The following SAFB2 variants were observed in gnomAD, a reference collection of about 807,000 sequenced individuals.
SAFB2 encodes the protein scaffold attachment factor B2.
In SAFB2, 32 loss-of-function variants were observed where a neutral mutation model predicts 100.6. The ratio of observed to expected loss-of-function variants is 0.32; its 90% confidence interval spans 0.24 to 0.43. The LOEUF (loss-of-function observed/expected upper bound fraction) is 0.43, where lower values mean the gene tolerates loss of function less well. Ranked by LOEUF, SAFB2 falls within the 20% of genes least tolerant of loss-of-function variation. The probability of loss-of-function intolerance (pLI) is 1.00; values close to 1 mark genes in which losing one functional copy is unlikely to be tolerated. For missense variants in SAFB2, 1,185 were observed against 1,163.4 expected, an observed-to-expected ratio of 1.02 and a Z score of -0.27; for synonymous variants, 500 against 439.4, an observed-to-expected ratio of 1.14 and a Z score of -1.72.
At chr19:5,621,629 T>C (rs1435563874) in intron 1 of SAFB2, among the ~76,000 whole-genome samples, 4 of 152,316 alleles carry the variant, frequency 2.6e-5, no homozygotes, top group East Asian at 1.9e-4. Context: ...AGCTCCAGAA[T>C]TGGGGTCAAG....
At chr19:5,609,508 T>G (rs959177246) in intron 9 of SAFB2, among the ~76,000 whole-genome samples, 6 of 152,162 alleles carry the variant, frequency 3.9e-5, no homozygotes, top group Admixed American at 6.5e-5. Flanking sequence ...TTCGCCATGT[T>G]GGCCAGGCTG....
In SAFB2 at chr19:5,622,716, C is replaced by CG. The variant is rs781269947; in HGVS notation, c.-2dup. On this transcript the variant is annotated 5_prime_UTR_variant, in exon 1 of 21. Transcript: ENST00000252542. ...CCGACCCGGGCAGAGTCTCCGCCAT[C>CG]GTCGCGTTCCCGTCTTCGCCACCGA... 54 of 1,598,566 alleles carry CG rather than the reference C, an allele frequency of 3.4e-5. No individual in the cohort carries two copies. The East Asian group carries it at 1.2e-3, about 35-fold the overall frequency.
intron 2 of SAFB2, 89 bp downstream of exon 2, chr19:5,621,220 T>C: frequency 1.2e-6 from 1 of 864,898 alleles, no homozygotes; most frequent in Non-Finnish European, 2.0e-6. Context: ...AGAGAAATTC[T>C]CCCAGCCTAG....
chr19:5,598,452 C>A, intron 13 of SAFB2: 1 of 302,642 alleles, frequency 3.3e-6, no homozygotes, highest in Non-Finnish European at 6.4e-6. Flanking sequence ...AAGTAGCCTG[C>A]TATTAAGTCA....
In SAFB2 at chr19:5,606,693, C is replaced by T. The variant is rs796869828; in HGVS notation, c.1297-1757G>A. Among the ~76,000 whole-genome samples, 6 of 152,254 alleles carry T rather than the reference C, an allele frequency of 3.9e-5. 1 individual carries two copies. The highest frequency in any genetic ancestry group is 1.4e-4 in the African/African-American group (6 of 41,556). On this transcript the variant is annotated intron_variant, in intron 9 of 20. Coordinates refer to ENST00000252542, the MANE Select transcript of SAFB2 (RefSeq NM_014649.3). ...CACAGAAAAAGAGAGAGAAAAGACA[C>T]AAATTGGTAACTGAAGGAACAAAGA...
At chr19:5,600,075 C>T (rs1298616471) in intron 12 of SAFB2, 55 bp downstream of exon 12, 2 of 1,574,474 alleles carry the variant, frequency 1.3e-6, no homozygotes, top group East Asian at 2.2e-5. Context: ...GGAACCCCCA[C>T]TCCCCACCCG....
chr19:5,588,025 G>A (rs1599218354), intron 18 of SAFB2, 45 bp from the exon 19 acceptor site: 1 of 1,543,782 alleles, frequency 6.5e-7, no homozygotes, highest in Non-Finnish European at 8.8e-7. Flanking sequence ...TGAGCCTCCA[G>A]GGTTGTGTCG....
In SAFB2 at chr19:5,621,318, A is replaced by G; in HGVS notation, c.265T>C (p.Cys89Arg). 1.2e-6 allele frequency: 2 copies of G among 1,609,538 alleles called. No homozygotes were observed. The highest frequency in any genetic ancestry group is 1.7e-6 in the Non-Finnish European group (2 of 1,175,882). The change falls in exon 2 of 21, where the codon TGT (cysteine) becomes CGT (arginine). Residue 89 changes from cysteine to arginine, a missense_variant. Cys to Arg is a radical substitution (Grantham distance 180). This residue lies in a region of SAFB2 where 351 missense variants were observed against 341.2 expected (regional missense o/e 1.03). Coordinates refer to ENST00000252542, the MANE Select transcript of SAFB2 (RefSeq NM_014649.3). The stretch of plus-strand genomic sequence containing the variant: ...AGCATATGTACAATACCTTTAACAC[A>G]TCTCTTGGCTGACTTCTTGCTGGTG... ...EATSKKSAKR[C>R]VKGLKMEEEG...
intron 14 of SAFB2, among the ~76,000 whole-genome samples, chr19:5,594,943 G>A (rs981558868): frequency 1.3e-5 from 2 of 152,122 alleles, no homozygotes; most frequent in African/African-American, 4.8e-5. Context: ...TGAGCTTCTG[G>A]GCTCCAGCAA....
chr19:5,591,659 G>A lies in SAFB2; in HGVS notation c.2394+89C>T. On this transcript the variant is annotated intron_variant, in intron 17 of 20. Transcript: ENST00000252542. ...TGCTGACTTGGTTGCCACCTCTCTG[G>A]GATCAAGCGGCCGCCTGGCTAGAAA... 3 of 1,337,640 alleles carry A rather than the reference G, an allele frequency of 2.2e-6. No individual in the cohort carries two copies. In the South Asian group the frequency reaches 3.6e-5, roughly 16 times the overall value. The allele number at this position is 1,337,640 out of a possible 1,614,324, so 82.9% of individuals were successfully genotyped here.
In SAFB2 at chr19:5,595,440, A is replaced by G; in HGVS notation, c.1840T>C (p.Phe614Leu). The G allele has an allele frequency of 6.2e-7, 1 of 1,613,818 alleles. No homozygotes were observed. Among genetic ancestry groups the G allele is most frequent in the East Asian group, 2.2e-5 (1 of 44,872 alleles). Residue 614 changes from phenylalanine (F) to leucine (L), a missense_variant, in exon 14 of 21, where the codon TTT becomes CTT. By Grantham distance (22) the Phe-to-Leu change is conservative. This residue lies in a region of SAFB2 where 740 missense variants were observed against 687.1 expected (regional missense o/e 1.08). Coordinates refer to ENST00000252542, the MANE Select transcript of SAFB2 (RefSeq NM_014649.3). The part of the protein sequence containing the change: ...ESKEKRDILS[F>L]DKIKEQRERE... ...TCCCTTTGTTCTTTGATTTTATCAA[A>G]CGACAAGATGTCTCTCTTTTCTTTG...
chr19:5,612,792 T>C (rs1041091367), intron 5 of SAFB2, among the ~76,000 whole-genome samples: 1 of 152,196 alleles, frequency 6.6e-6, no homozygotes, highest in Non-Finnish European at 1.5e-5. Flanking sequence ...GTCTGTCCCA[T>C]TCTCCCGAGT....
chr19:5,620,510 G>GT (rs1188842849), intron 2 of SAFB2, among the ~76,000 whole-genome samples: 10 of 152,218 alleles, frequency 6.6e-5, no homozygotes, highest in African/African-American at 2.4e-4. Flanking sequence ...CAGGAATGAA[G>GT]TATCAATACA....
intron 15 of SAFB2, among the ~76,000 whole-genome samples, chr19:5,593,446 C>T (rs183350228): frequency 1.5e-3 from 234 of 152,266 alleles, no homozygotes; most frequent in African/African-American, 5.5e-3. Context: ...GACCAATAAA[C>T]CTACTTTCTA....
At chr19:5,600,466 C>T (rs1465412426) in intron 11 of SAFB2, among the ~76,000 whole-genome samples, 1 of 152,162 alleles carries the variant, frequency 6.6e-6, no homozygotes, top group African/African-American at 2.4e-5. Context: ...CTAGTATGTG[C>T]TGAATTGAGG....
In SAFB2 at chr19:5,595,561, T is replaced by C. The variant is rs1350522017; in HGVS notation, c.1783-64A>G. On this transcript the variant is annotated intron_variant, in intron 13 of 20. Coordinates refer to ENST00000252542, the MANE Select transcript of SAFB2 (RefSeq NM_014649.3). The stretch of plus-strand genomic sequence containing the variant: ...ATTGCAACAAACAAACAATGGAGAT[T>C]ATGCACGTGTGCATGAGACTAAGAT... 10 of 1,579,406 alleles carry C rather than the reference T, an allele frequency of 6.3e-6. No individual in the cohort carries two copies. In the South Asian group the frequency reaches 1.0e-4, roughly 16 times the overall value.
chr19:5,599,733 T>C (rs1385976571), intron 12 of SAFB2, among the ~76,000 whole-genome samples: 1 of 151,306 alleles, frequency 6.6e-6, no homozygotes, highest in Non-Finnish European at 1.5e-5. Flanking sequence ...GTTTCATTTT[T>C]CTCTGTGTTT....
chr19:5,604,525 T>TA, intron 11 of SAFB2, 58 bp downstream of exon 11: 1 of 1,319,622 alleles, frequency 7.6e-7, no homozygotes, highest in Non-Finnish European at 1.1e-6. Flanking sequence ...AGGCCCATGG[T>TA]GGCTGCCCGT....
At chr19:5,598,654 G>A (rs572730005) in intron 13 of SAFB2, 139 bp downstream of exon 13, 26 of 699,292 alleles carry the variant, frequency 3.7e-5, no homozygotes, top group African/African-American at 1.6e-4. Context: ...GTCTGTATCC[G>A]CAATCTACAC....
Sources: allele counts gnomAD v4.1 joint callset (sites outside exome capture counted in the v4.1 genomes callset), GRCh38; gene constraint gnomAD v4.1.1; regional missense constraint gnomAD v4.1.1; transcripts MANE v1.5; gene names NCBI Gene and HGNC (gene_info 2026-07-23, HGNC 2026-07-21).